SEMA5B: variants seen among roughly 807,000 people sequenced by gnomAD.
SEMA5B encodes the protein semaphorin 5B.
In SEMA5B, 66 loss-of-function variants were observed where a neutral mutation model predicts 135.0. The ratio of observed to expected loss-of-function variants is 0.49; its 90% CI spans 0.40 to 0.60. The LOEUF is 0.60. SEMA5B is among the 20% of genes least tolerant of loss of function. SEMA5B has a pLI of 0.00. For synonymous variants in SEMA5B, 690 were observed against 639.5 expected (o/e 1.08, Z -1.19); for missense variants, 1,501 against 1,566.3 (o/e 0.96, Z 0.70).
rs778640782 is a variant in SEMA5B at position 122,926,758 on chromosome 3, C to T, written c.851-81G>A. ...CAGAGTCGGGAGGACTCAACTACTT[C>T]GGTTTTCCCAGATGGGCATCCTGAC... On this transcript the variant is annotated intron_variant, in intron 8 of 22. Coordinates refer to ENST00000357599, the MANE Select transcript of SEMA5B (RefSeq NM_001031702.4). 47 of 1,517,134 alleles carry T rather than the reference C, an allele frequency of 3.1e-5. No individual in the cohort carries two copies. In the East Asian group the frequency reaches 3.4e-4, roughly 11 times the overall value. 94.0% of individuals were successfully genotyped at this position (1,517,134 alleles called of 1,614,324 possible). A position where few individuals can be genotyped will look rare whatever the true frequency, so the allele number is the denominator to read the frequency against.
intron 15 of SEMA5B, 31 bp downstream of exon 15, chr3:122,913,827 G>A (rs749155095): frequency 6.3e-7 from 1 of 1,580,286 alleles, no homozygotes; most frequent in East Asian, 2.2e-5. Flanking sequence ...CGGTTAGTCT[G>A]GGACCTCAGA....
At chr3:123,023,322 GCACACACACA>G (rs3080430) in intron 1 of SEMA5B, among the ~76,000 whole-genome samples, 27 of 144,036 alleles carry the variant, frequency 1.9e-4, no homozygotes, top group Non-Finnish European at 3.2e-4. Flanking sequence ...ACTATTTCCA[GCACACACACA>G]CACACACACA....
intron 5 of SEMA5B, among the ~76,000 whole-genome samples, chr3:122,930,092 G>A (rs938960101): frequency 6.6e-6 from 1 of 152,194 alleles, no homozygotes; most frequent in Non-Finnish European, 1.5e-5. Context: ...AAAAAAAAGA[G>A]CCCACCTGCT....
chr3:122,944,019 G>A (rs913350872), intron 3 of SEMA5B, among the ~76,000 whole-genome samples: 3 of 152,038 alleles, frequency 2.0e-5, no homozygotes, highest in East Asian at 1.9e-4. Flanking sequence ...CAACCTGAAC[G>A]CTTGTTCTCA....
intron 2 of SEMA5B, among the ~76,000 whole-genome samples, chr3:122,960,814 C>G (rs1481624355): frequency 2.0e-5 from 3 of 152,008 alleles, no homozygotes; most frequent in Admixed American, 6.5e-5. Context: ...TTGCCTGGGG[C>G]GGGAGGAAGC....
intron 5 of SEMA5B, among the ~76,000 whole-genome samples, chr3:122,935,069 T>C (rs1025776762): frequency 2.0e-5 from 3 of 152,152 alleles, no homozygotes; most frequent in African/African-American, 7.2e-5. Flanking sequence ...TTTGCTTTTG[T>C]GTGTGTATGA....
At chr3:122,967,533 A>G (rs570121653) in intron 1 of SEMA5B, among the ~76,000 whole-genome samples, 1 of 152,294 alleles carries the variant, frequency 6.6e-6, no homozygotes, top group East Asian at 1.9e-4. Flanking sequence ...CCTGGAGACT[A>G]CAACCCTCAC....
chr3:123,016,991 A>T (rs1368565034), intron 1 of SEMA5B, among the ~76,000 whole-genome samples: 1 of 147,580 alleles, frequency 6.8e-6, no homozygotes, highest in African/African-American at 2.5e-5. Context: ...TCCCAGGTTC[A>T]CGCCATTCTC....
chr3:123,024,557 C>G (rs1942757433), intron 1 of SEMA5B, among the ~76,000 whole-genome samples: 1 of 152,150 alleles, frequency 6.6e-6, no homozygotes, highest in African/African-American at 2.4e-5. Context: ...AACCTTATAT[C>G]AATGGATGTG....
At chr3:123,011,382 G>T (rs966494920) in intron 1 of SEMA5B, among the ~76,000 whole-genome samples, 3 of 152,224 alleles carry the variant, frequency 2.0e-5, no homozygotes, top group East Asian at 1.9e-4. Flanking sequence ...GCAAGGTCAG[G>T]GTTGTGCAGT....
intron 5 of SEMA5B, among the ~76,000 whole-genome samples, chr3:122,936,764 C>G (rs868466983): frequency 3.0e-4 from 45 of 152,274 alleles, no homozygotes; most frequent in African/African-American, 9.1e-4. Flanking sequence ...CACAGGTGAG[C>G]TGATTTGATT....
In SEMA5B at chr3:122,923,743, G is replaced by C. The variant is rs2276778; in HGVS notation, c.1146C>G (p.Ile382Met). 311 of 1,613,860 alleles carry C rather than the reference G, an allele frequency of 1.9e-4. 1 individual carries two copies. The African/African-American group carries it at 3.3e-3, about 17-fold the overall frequency. The change falls in exon 10 of 23, where the codon ATC (isoleucine) becomes ATG (methionine). Residue 382 changes from isoleucine (I) to methionine (M), a missense_variant. By Grantham distance (10) the Ile-to-Met change is conservative. Around this residue, in one of 2 missense-constraint regions of SEMA5B, gnomAD observed 574 missense variants for 684.7 expected, o/e 0.84. Coordinates refer to ENST00000357599, the MANE Select transcript of SEMA5B (RefSeq NM_001031702.4). ...TGAAGGCGCAGACAGCAGAAGCCGC[G>C]ATGCTGTTTCTGAAAGGCAAGAAGT... ...YGVFTTNVNS[I>M]AASAVCAFNL...
intron 6 of SEMA5B, 27 bp downstream of exon 6, chr3:122,928,969 G>T (rs765656571): frequency 1.2e-6 from 2 of 1,609,114 alleles, no homozygotes; most frequent in East Asian, 2.2e-5. Context: ...CTCCAGGTGG[G>T]GCCCCTGGAC....
rs1937647261 is a variant in SEMA5B, at chr3:122,910,827, AGAAGGCTCCC to A, written c.3297+3_3297+12del. Reference sequence around the variant, plus strand: ...TCCGTCTCAAAAAAAAAAAAAAAAAAGAAGGCTCCCACCTTGAATTCCATGGGTGTGTACT... The same window carrying A: ...TCCGTCTCAAAAAAAAAAAAAAAAAAACCTTGAATTCCATGGGTGTGTACT... On this transcript the variant is annotated splice_donor_5th_base_variant and intron_variant, in intron 22 of 22. Coordinates refer to ENST00000357599, the MANE Select transcript of SEMA5B (RefSeq NM_001031702.4). 2 of 1,537,218 alleles carry A rather than the reference AGAAGGCTCCC, an allele frequency of 1.3e-6. No homozygotes were observed. Among genetic ancestry groups the A allele is most frequent in the Non-Finnish European group, 1.7e-6 (2 of 1,143,484 alleles).
intron 2 of SEMA5B, among the ~76,000 whole-genome samples, chr3:122,954,145 A>G (rs1481255391): frequency 6.6e-6 from 1 of 152,230 alleles, no homozygotes; most frequent in Non-Finnish European, 1.5e-5. Context: ...CTGTAACCTC[A>G]AGCTGCTGGC....
At chr3:122,996,207 G>A (rs1942018217) in intron 1 of SEMA5B, among the ~76,000 whole-genome samples, 1 of 152,262 alleles carries the variant, frequency 6.6e-6, no homozygotes, top group African/African-American at 2.4e-5. Flanking sequence ...TACTGGGGTT[G>A]CAGGTCCCAC....
At chr3:122,997,707 C>T (rs578142260) in intron 1 of SEMA5B, among the ~76,000 whole-genome samples, 2 of 152,340 alleles carry the variant, frequency 1.3e-5, no homozygotes, top group South Asian at 4.1e-4. Flanking sequence ...TGCATAATGC[C>T]TGTGCCCTGT....
At chr3:122,989,265 TC>T (rs1000061661) in intron 1 of SEMA5B, among the ~76,000 whole-genome samples, 20 of 152,204 alleles carry the variant, frequency 1.3e-4, no homozygotes, top group African/African-American at 4.6e-4. Flanking sequence ...CCCTGCAGAT[TC>T]CCAGCAGCCG....
chr3:122,971,568 G>A (rs1320938859), intron 1 of SEMA5B, among the ~76,000 whole-genome samples: 2 of 152,252 alleles, frequency 1.3e-5, no homozygotes, highest in South Asian at 2.1e-4. Flanking sequence ...GGTCTGCCAA[G>A]AGCCAGCAAG....
Sources: gnomAD v4.1 joint callset for allele counts (sites outside exome capture counted in the v4.1 genomes callset) on GRCh38, gnomAD v4.1.1 for gene constraint, gnomAD v4.1.1 regional missense constraint, MANE v1.5 for transcripts, NCBI Gene and HGNC (gene_info 2026-07-23, HGNC 2026-07-21) for gene names.